Variants in MVK observed in about 807,000 individuals in gnomAD.
MVK encodes the protein mevalonate kinase, also known as LH receptor mRNA-binding protein.
MVK carries 34 observed loss-of-function variants against 43.2 expected under a neutral mutation model. That is an observed-to-expected ratio of 0.79 (90% CI 0.60 to 1.05). MVK has a LOEUF of 1.05. Ranked by LOEUF, MVK falls within the 50% of genes least tolerant of loss-of-function variation. MVK has a pLI of 0.00. For missense variants in MVK, 395 were observed against 504.0 expected (o/e 0.78, Z 2.07); for synonymous variants, 190 against 219.8 (o/e 0.86, Z 1.20).
intron 4 of MVK, among the ~76,000 whole-genome samples, chr12:109,581,009 A>G (rs1885191672): frequency 1.3e-5 from 2 of 152,060 alleles, no homozygotes; most frequent in Non-Finnish European, 1.5e-5. Context: ...AGAGATGGGT[A>G]GGGATTTCTC....
intron 9 of MVK, 79 bp downstream of exon 9, chr12:109,591,436 C>A: frequency 7.3e-7 from 1 of 1,372,280 alleles, no homozygotes; most frequent in African/African-American, 1.4e-5. Flanking sequence ...TCTGGCTGTG[C>A]TCAGAATCCC....
chr12:109,582,968 C>T lies in MVK; in HGVS notation c.527+1418C>T, dbSNP rs1885286589. ...TCCTTCAGGCACCACCACCCCGCCCCAGCCCCCAGCAATTCAGCCCATCGT... is the reference window on the plus strand; with the variant it reads ...TCCTTCAGGCACCACCACCCCGCCCTAGCCCCCAGCAATTCAGCCCATCGT... On this transcript the variant is annotated intron_variant, in intron 5 of 10. Coordinates refer to ENST00000228510, the MANE Select transcript of MVK (RefSeq NM_000431.4). Among the ~76,000 whole-genome samples the T allele has an allele frequency of 2.0e-5, 3 of 152,326 alleles. No homozygotes were observed. In the South Asian group the frequency reaches 6.2e-4, roughly 32 times the overall value.
At chr12:109,585,483 A>T (rs1297077369) in intron 5 of MVK, among the ~76,000 whole-genome samples, 1 of 152,184 alleles carries the variant, frequency 6.6e-6, no homozygotes, top group Non-Finnish European at 1.5e-5. Flanking sequence ...AGAGTCACTC[A>T]GCTAGTAAGA....
Position 109,594,787 on chromosome 12 carries a change from G to A in MVK, c.886-241G>A, listed in dbSNP as rs79290310. 2.0e-5 allele frequency among the ~76,000 whole-genome samples: 3 copies of A among 152,216 alleles called. No homozygotes were observed. In the East Asian group the frequency reaches 5.8e-4, roughly 29 times the overall value. On this transcript the variant is annotated intron_variant, in intron 9 of 10. Transcript: ENST00000228510. The stretch of plus-strand genomic sequence containing the variant: ...CCAGTGCCAGAGGCTTCTGTGACCA[G>A]CCCTAGGATATGTGCTCACTGCTGT...
chr12:109,586,940 A>G (rs1885460960), intron 7 of MVK, 141 bp downstream of exon 7: 2 of 953,094 alleles, frequency 2.1e-6, no homozygotes, highest in Non-Finnish European at 3.3e-6. Flanking sequence ...ACAGTGCACT[A>G]GCTGCAAGGA....
intron 7 of MVK, 192 bp from the exon 8 acceptor site, chr12:109,590,579 C>A: frequency 1.5e-6 from 1 of 645,278 alleles, no homozygotes; most frequent in East Asian, 2.8e-5. Context: ...AATGGCCACC[C>A]AACCAGTGCC....
At chr12:109,585,354 T>G (rs1885391173) in intron 5 of MVK, among the ~76,000 whole-genome samples, 1 of 152,234 alleles carries the variant, frequency 6.6e-6, no homozygotes, top group Non-Finnish European at 1.5e-5. Flanking sequence ...AGTTGCCACC[T>G]GCTGCTTGTG....
chr12:109,587,361 G>A lies in MVK; in HGVS notation c.677+562G>A, dbSNP rs546742899. ...CTCTCAGCCTGTTTTATGTTTCTGT[G>A]TCCCTCCCGCTGGAATCATTGGAAT... On this transcript the variant is annotated intron_variant, in intron 7 of 10. Transcript: ENST00000228510. 1.2e-4 allele frequency among the ~76,000 whole-genome samples: 18 copies of A among 152,288 alleles called. No individual in the cohort carries two copies. The South Asian group carries it at 2.3e-3, about 19-fold the overall frequency.
At chr12:109,586,855 G>T (rs1305358210) in intron 7 of MVK, 56 bp downstream of exon 7, 3 of 1,592,342 alleles carry the variant, frequency 1.9e-6, no homozygotes, top group Non-Finnish European at 2.6e-6. Flanking sequence ...GTGTGCAGGG[G>T]GCAGAGCTCT....
At chr12:109,592,026 T>G (rs550893048) in intron 9 of MVK, among the ~76,000 whole-genome samples, 2 of 152,186 alleles carry the variant, frequency 1.3e-5, no homozygotes, top group Admixed American at 6.5e-5. Context: ...GGTGGATTGC[T>G]TGAGTCCAGG....
Position 109,575,984 on chromosome 12 carries a change from C to A in MVK, c.79-14C>A. ...TCACCCTCAGGCTTATTGCTTTTGT[C>A]ATTTATTCTATAGGTAGCACTGGCT... is the stretch of plus-strand genomic sequence containing the variant. On this transcript the variant is annotated splice_polypyrimidine_tract_variant and intron_variant, in intron 2 of 10. Transcript: ENST00000228510. The A allele has an allele frequency of 1.2e-6, 2 of 1,614,042 alleles. No individual in the cohort carries two copies. Among genetic ancestry groups the A allele is most frequent in the South Asian group, 1.1e-5 (1 of 91,056 alleles).
At chr12:109,578,088 A>T (rs7954144) in intron 3 of MVK, among the ~76,000 whole-genome samples, 3 of 151,780 alleles carry the variant, frequency 2.0e-5, no homozygotes, top group African/African-American at 7.3e-5. Flanking sequence ...GAGGGCTGCC[A>T]TGAGGATCCG....
chr12:109,579,137 ATTTTTTTTT>A, intron 3 of MVK: 2 of 324,192 alleles, frequency 6.2e-6, no homozygotes, highest in East Asian at 1.0e-4. Context: ...TAAGACTACA[ATTTTTTTTT>A]TTTTTTTTTT....
At chr12:109,579,239 A>G in intron 3 of MVK, 1 of 444,470 alleles carries the variant, frequency 2.2e-6, no homozygotes, top group Non-Finnish European at 4.5e-6. Context: ...TCCTGGGCTC[A>G]AGCGATCCTC....
Position 109,579,911 on chromosome 12 carries a change from T to C in MVK, c.336T>C (p.Phe112=). The part of the protein sequence containing the change: ...AVTERLAVLA[F]LYLYLSICRK... The stretch of plus-strand genomic sequence containing the variant: ...CCGAGCGCCTGGCTGTGCTGGCCTT[T>C]CTTTACTTATACCTGTCCATCTGCC... Residue 112 remains phenylalanine (F), a synonymous_variant, in exon 4 of 11, where the codon TTT becomes TTC. Transcript: ENST00000228510. 1 of 1,614,232 alleles carries C rather than the reference T, an allele frequency of 6.2e-7. No individual in the cohort carries two copies. The highest frequency in any genetic ancestry group is 8.5e-7 in the Non-Finnish European group (1 of 1,180,036).
chr12:109,579,162 C>G, intron 3 of MVK: 1 of 372,438 alleles, frequency 2.7e-6, no homozygotes, highest in Non-Finnish European at 5.2e-6. Flanking sequence ...TTTTTTGAGA[C>G]AGGGTCTCAC....
chr12:109,575,936 G>T (rs104895344), intron 2 of MVK, 62 bp from the exon 3 acceptor site: 1 of 1,597,460 alleles, frequency 6.3e-7, no homozygotes, highest in Non-Finnish European at 8.6e-7. Flanking sequence ...TTCTTAGCAC[G>T]TGGGTCCTGG....
chr12:109,579,178 T>TA, intron 3 of MVK: 2 of 433,522 alleles, frequency 4.6e-6, no homozygotes, highest in Non-Finnish European at 9.1e-6. Context: ...CTCACTCTGT[T>TA]ATGCAGCCTG....
At chr12:109,580,628 T>C (rs568144180) in intron 4 of MVK, among the ~76,000 whole-genome samples, 2 of 152,240 alleles carry the variant, frequency 1.3e-5, no homozygotes, top group South Asian at 4.1e-4. Flanking sequence ...TCCAGAATCT[T>C]CCAGGCTGGG....
Sources: gnomAD v4.1 joint callset for allele counts (sites outside exome capture counted in the v4.1 genomes callset) on GRCh38, gnomAD v4.1.1 for gene constraint, MANE v1.5 for transcripts, NCBI Gene and HGNC (gene_info 2026-07-23, HGNC 2026-07-21) for gene names.